Variants in LOXL2 observed in about 807,000 individuals in gnomAD.
LOXL2 encodes lysyl oxidase homolog 2.
Under a neutral mutation model 93.0 loss-of-function variants are expected in LOXL2, and 70 were observed. The ratio of observed to expected loss-of-function variants is 0.75; its 90% CI spans 0.62 to 0.92. The LOEUF (loss-of-function observed/expected upper bound fraction) is 0.92. LOXL2 is among the 40% of genes least tolerant of loss of function. The pLI, the probability that LOXL2 is intolerant of heterozygous loss-of-function variation, is 0.00. For missense variants in LOXL2, 973 were observed against 1,054.9 expected, an observed-to-expected ratio of 0.92 and a Z score of 1.08; for synonymous variants, 438 against 413.2, an observed-to-expected ratio of 1.06 and a Z score of -0.73.
At position 23,298,067 on chromosome 8, in the gene LOXL2, T is replaced by G. The variant is rs529227702; in HGVS notation, c.2301A>C (p.Leu767Phe). The change falls in exon 14 of 14, where the codon TTA (leucine) becomes TTC (phenylalanine). Residue 767 changes from leucine to phenylalanine, a missense_variant. Transcript: ENST00000389131. ...EKKFEHFSGL[L>F]NNQLSPQ ...TTTACTGCGGGGACAGCTGGTTGTTTAAGAGCCCGCTGAAGTGCTCAAACT... is the reference window on the plus strand; with the variant it reads ...TTTACTGCGGGGACAGCTGGTTGTTGAAGAGCCCGCTGAAGTGCTCAAACT... The G allele has an allele frequency of 1.2e-6, 2 of 1,613,888 alleles. No homozygotes were observed. The highest frequency in any genetic ancestry group is 2.2e-5 in the East Asian group (1 of 44,886).
chr8:23,347,873 T>C (rs1804020101), intron 3 of LOXL2, among the ~76,000 whole-genome samples: 2 of 152,182 alleles, frequency 1.3e-5, no homozygotes, highest in African/African-American at 2.4e-5. Flanking sequence ...CAAAGGATTA[T>C]AAATCATGCT....
intron 7 of LOXL2, 151 bp from the exon 8 acceptor site, chr8:23,320,203 G>A (rs1370278989): frequency 1.3e-6 from 1 of 795,560 alleles, no homozygotes; most frequent in Non-Finnish European, 2.0e-6. Context: ...AGCCCCCGGT[G>A]GCAGCGCTGT....
At chr8:23,394,135 G>A (rs991397689) in intron 1 of LOXL2, among the ~76,000 whole-genome samples, 7 of 152,320 alleles carry the variant, frequency 4.6e-5, no homozygotes, top group African/African-American at 1.7e-4. Context: ...GCTCATGCCT[G>A]TAATCCTAGC....
chr8:23,328,143 T>C (rs1803613294), intron 6 of LOXL2, among the ~76,000 whole-genome samples: 1 of 152,118 alleles, frequency 6.6e-6, no homozygotes, highest in Non-Finnish European at 1.5e-5. Context: ...TTATCTCACC[T>C]TGGATGTTTA....
intron 5 of LOXL2, 181 bp from the exon 6 acceptor site, chr8:23,328,746 T>TG (rs1554477861): frequency 9.3e-5 from 56 of 601,092 alleles, no homozygotes; most frequent in African/African-American, 1.8e-4. Flanking sequence ...TGTGTGTGTG[T>TG]CGTGGGTGTG....
chr8:23,394,231 A>G (rs1239314088), intron 1 of LOXL2, among the ~76,000 whole-genome samples: 1 of 151,966 alleles, frequency 6.6e-6, no homozygotes, highest in Admixed American at 6.6e-5. Context: ...TGTCTCTACT[A>G]AAGATACAAA....
intron 1 of LOXL2, among the ~76,000 whole-genome samples, chr8:23,390,085 T>C (rs1055587163): frequency 6.6e-6 from 1 of 152,152 alleles, no homozygotes; most frequent in Non-Finnish European, 1.5e-5. Context: ...GGTCAGGGGC[T>C]AGGGTGGGGT....
At chr8:23,303,910 G>C (rs12681840) in intron 10 of LOXL2, among the ~76,000 whole-genome samples, 50,256 of 152,178 alleles carry the variant, frequency 0.33, 8,855 homozygotes, top group East Asian at 0.59. Context: ...GGAATAGTAA[G>C]GAATAGAACA....
At chr8:23,314,127 C>A (rs1381363361) in intron 9 of LOXL2, among the ~76,000 whole-genome samples, 5 of 152,110 alleles carry the variant, frequency 3.3e-5, no homozygotes, top group East Asian at 1.9e-4. Flanking sequence ...GGCAATCATT[C>A]AAAAGTCAGG....
At chr8:23,303,173 C>T in intron 11 of LOXL2, 109 bp downstream of exon 11, 1 of 743,170 alleles carries the variant, frequency 1.3e-6, no homozygotes, top group Non-Finnish European at 2.4e-6. Flanking sequence ...TGGCAGTGGT[C>T]AGAGTGACAC....
At chr8:23,342,509 G>A (rs568649583) in intron 3 of LOXL2, among the ~76,000 whole-genome samples, 2,664 of 149,638 alleles carry the variant, frequency 0.018, 92 homozygotes, top group East Asian at 0.12. Flanking sequence ...TCGGCTCACT[G>A]CAAGCTCCGC....
At chr8:23,315,297 TTGG>T (rs1803377974) in intron 9 of LOXL2, among the ~76,000 whole-genome samples, 1 of 149,476 alleles carries the variant, frequency 6.7e-6, no homozygotes, top group Non-Finnish European at 1.5e-5. Flanking sequence ...GCATATGCAG[TTGG>T]TGGGGTGAGA....
In LOXL2 at chr8:23,400,313, A is replaced by G. The variant is rs184132190; in HGVS notation, c.-84+3641T>C. On this transcript the variant is annotated intron_variant, in intron 1 of 13. Coordinates refer to ENST00000389131, the MANE Select transcript of LOXL2 (RefSeq NM_002318.3). Reference sequence around the variant, plus strand: ...ACATGGCTGGGGAGGCCTCACAATCATGGCAGAAGACAAAGGAAGAGCAAA... The same window carrying G: ...ACATGGCTGGGGAGGCCTCACAATCGTGGCAGAAGACAAAGGAAGAGCAAA... 7.0e-4 allele frequency among the ~76,000 whole-genome samples: 106 copies of G among 152,336 alleles called. 1 individual carries two copies. The highest frequency in any genetic ancestry group is 9.1e-4 in the Admixed American group (14 of 15,304).
chr8:23,338,120 C>A (rs1017663266), intron 4 of LOXL2, among the ~76,000 whole-genome samples: 1 of 152,142 alleles, frequency 6.6e-6, no homozygotes, highest in Admixed American at 6.5e-5. Flanking sequence ...GGGGAACTGG[C>A]CTTTATAAAA....
intron 4 of LOXL2, 59 bp downstream of exon 4, chr8:23,340,933 T>C (rs1803871975): frequency 2.0e-6 from 3 of 1,474,704 alleles, no homozygotes; most frequent in Non-Finnish European, 2.8e-6. Context: ...CGGACACTTT[T>C]AACTCTTTTA....
At chr8:23,303,605 C>T (rs1423502691) in intron 10 of LOXL2, among the ~76,000 whole-genome samples, 1 of 152,188 alleles carries the variant, frequency 6.6e-6, no homozygotes, top group Non-Finnish European at 1.5e-5. Flanking sequence ...CACTGCTCAC[C>T]TTGCTAAGCC....
At chr8:23,394,736 A>C (rs1307774434) in intron 1 of LOXL2, among the ~76,000 whole-genome samples, 1 of 148,646 alleles carries the variant, frequency 6.7e-6, no homozygotes, top group Non-Finnish European at 1.5e-5. Flanking sequence ...ATGACCCAGC[A>C]ACCCCCCTCC....
intron 1 of LOXL2, among the ~76,000 whole-genome samples, chr8:23,382,920 G>T (rs1019520238): frequency 3.3e-5 from 5 of 152,074 alleles, no homozygotes; most frequent in Admixed American, 3.3e-4. Context: ...TAGCATGGCT[G>T]AACCCACCCC....
chr8:23,298,801 G>A (rs371089952), intron 13 of LOXL2, 35 bp downstream of exon 13: 33 of 1,379,962 alleles, frequency 2.4e-5, no homozygotes, highest in African/African-American at 5.7e-5. Flanking sequence ...GGCAGCTCCC[G>A]CCTGCTTCCT....
Sources: allele counts gnomAD v4.1 joint callset (sites outside exome capture counted in the v4.1 genomes callset), GRCh38; gene constraint gnomAD v4.1.1; transcripts MANE v1.5; gene names NCBI Gene and HGNC (gene_info 2026-07-23, HGNC 2026-07-21).